Variants in SEZ6L observed in about 807,000 individuals in gnomAD.
The protein encoded by SEZ6L is seizure 6-like protein.
A neutral mutation model predicts 106.2 loss-of-function variants in SEZ6L; 37 were observed. That is an observed-to-expected ratio of 0.35 (90% CI 0.27 to 0.46). The LOEUF is 0.46. Ranked by LOEUF, SEZ6L falls within the 20% of genes least tolerant of loss-of-function variation. The pLI, the probability that SEZ6L is intolerant of heterozygous loss-of-function variation, is 1.00. For synonymous variants in SEZ6L, 541 were observed against 570.4 expected (o/e 0.95, Z 0.73); for missense variants, 1,172 against 1,332.8 (o/e 0.88, Z 1.88).
intron 12 of SEZ6L, chr22:26,365,002 C>T (rs1356026541): frequency 5.9e-6 from 1 of 169,232 alleles, no homozygotes; most frequent in African/African-American, 2.4e-5. Context: ...CATTTCCTTA[C>T]TTACCTATTT....
At chr22:26,302,037 G>T (rs1205487691) in intron 5 of SEZ6L, among the ~76,000 whole-genome samples, 1 of 152,126 alleles carries the variant, frequency 6.6e-6, no homozygotes, top group Admixed American at 6.5e-5. Flanking sequence ...GGAAATCAAG[G>T]TGGACAATAT....
At chr22:26,250,313 T>A (rs1001352065) in intron 1 of SEZ6L, among the ~76,000 whole-genome samples, 2 of 152,222 alleles carry the variant, frequency 1.3e-5, no homozygotes, top group Non-Finnish European at 2.9e-5. Flanking sequence ...TACATTTAAG[T>A]CTTTATCATT....
chr22:26,371,007 A>C (rs1332698918), intron 13 of SEZ6L, among the ~76,000 whole-genome samples: 1 of 34,790 alleles, frequency 2.9e-5, no homozygotes, highest in South Asian at 2.3e-3. Context: ...CTGTATCACA[A>C]AAAAAAAAAA....
At chr22:26,243,188 A>G (rs1191135739) in intron 1 of SEZ6L, among the ~76,000 whole-genome samples, 4 of 152,212 alleles carry the variant, frequency 2.6e-5, no homozygotes, top group African/African-American at 9.6e-5. Context: ...GCAATGACTC[A>G]ATTTCCAAAA....
chr22:26,348,646 A>AAGAAAGAAAAAGAAAGAAAGAAAGAG lies in SEZ6L; in HGVS notation c.2407+734_2407+735insGAAAGAAAAAGAAAGAAAGAAAGAGA, dbSNP rs1556371589. On this transcript the variant is annotated intron_variant, in intron 11 of 16. Transcript: ENST00000248933. ...AAAGAAAGAAAGAAAGAAAGAAAGA[A>AAGAAAGAAAAAGAAAGAAAGAAAGAG]AAAGAAAGAAAGAAAGAAAGAAAGA... Among the ~76,000 whole-genome samples the AAGAAAGAAAAAGAAAGAAAGAAAGAG allele has an allele frequency of 2.6e-4, 2 of 7,696 alleles. 1 individual carries two copies. Among genetic ancestry groups the AAGAAAGAAAAAGAAAGAAAGAAAGAG allele is most frequent in the African/African-American group, 1.6e-3 (2 of 1,262 alleles). 5.0% of individuals were successfully genotyped at this position (7,696 alleles called of 152,430 possible).
intron 1 of SEZ6L, among the ~76,000 whole-genome samples, chr22:26,186,977 T>C (rs1939824580): frequency 6.6e-6 from 1 of 152,148 alleles, no homozygotes; most frequent in South Asian, 2.1e-4. Context: ...TCCTCACAGA[T>C]AGGACTTGAA....
At chr22:26,178,979 C>A (rs75197278) in intron 1 of SEZ6L, among the ~76,000 whole-genome samples, 28,444 of 152,148 alleles carry the variant, frequency 0.19, 2,987 homozygotes, top group Middle Eastern at 0.31. Context: ...CCTCCCCCGA[C>A]ACCAATGTAT....
At chr22:26,356,036 C>G (rs557918306) in intron 12 of SEZ6L, among the ~76,000 whole-genome samples, 1 of 152,290 alleles carries the variant, frequency 6.6e-6, no homozygotes, top group African/African-American at 2.4e-5. Context: ...TACCCTTTAC[C>G]AAGAAGGATT....
chr22:26,308,430 C>T (rs1333255468), intron 6 of SEZ6L, among the ~76,000 whole-genome samples: 1 of 150,564 alleles, frequency 6.6e-6, no homozygotes, highest in Non-Finnish European at 1.5e-5. Flanking sequence ...TGCCAGGCTA[C>T]TTTTATAGGC....
intron 5 of SEZ6L, among the ~76,000 whole-genome samples, chr22:26,302,261 C>T (rs1005380153): frequency 2.0e-5 from 3 of 152,140 alleles, no homozygotes; most frequent in Non-Finnish European, 4.4e-5. Context: ...CCATGCAAAA[C>T]CAAATGAATC....
intron 1 of SEZ6L, among the ~76,000 whole-genome samples, chr22:26,256,157 G>A (rs1207391): frequency 0.21 from 32,494 of 152,132 alleles, 4,058 homozygotes; most frequent in South Asian, 0.32. Context: ...GCAAGTAGTT[G>A]GAGAAGTAAG....
intron 1 of SEZ6L, among the ~76,000 whole-genome samples, chr22:26,175,029 A>G (rs1938883942): frequency 6.6e-6 from 1 of 152,210 alleles, no homozygotes; most frequent in South Asian, 2.1e-4. Context: ...GTCCAGCCTC[A>G]GATCCAGGCT....
At chr22:26,290,766 C>G (rs1317411601) in intron 1 of SEZ6L, among the ~76,000 whole-genome samples, 1 of 152,202 alleles carries the variant, frequency 6.6e-6, no homozygotes, top group East Asian at 1.9e-4. Flanking sequence ...AGCTTTATCC[C>G]CCGTACTCTC....
intron 1 of SEZ6L, chr22:26,292,182 A>C: frequency 2.1e-6 from 1 of 467,374 alleles, no homozygotes; most frequent in Non-Finnish European, 3.7e-6. Context: ...GAAAGAAGGA[A>C]GGAGGGAGGG....
intron 12 of SEZ6L, among the ~76,000 whole-genome samples, chr22:26,354,983 G>A (rs1384750355): frequency 6.6e-6 from 1 of 152,268 alleles, no homozygotes; most frequent in East Asian, 1.9e-4. Flanking sequence ...TAACGCAGGA[G>A]GCGAGAGATG....
intron 1 of SEZ6L, among the ~76,000 whole-genome samples, chr22:26,194,616 A>G (rs1046759830): frequency 2.6e-5 from 4 of 152,210 alleles, no homozygotes; most frequent in African/African-American, 9.6e-5. Flanking sequence ...CTTAGAAAAG[A>G]GTTGAGGGAT....
intron 1 of SEZ6L, among the ~76,000 whole-genome samples, chr22:26,191,954 C>G (rs1940248343): frequency 6.6e-6 from 1 of 151,806 alleles, no homozygotes; most frequent in African/African-American, 2.4e-5. Context: ...CACTAACTCA[C>G]TGAATGATAT....
At chr22:26,191,094 A>G (rs1940170916) in intron 1 of SEZ6L, among the ~76,000 whole-genome samples, 1 of 152,192 alleles carries the variant, frequency 6.6e-6, no homozygotes, top group African/African-American at 2.4e-5. Context: ...ACACTATCCT[A>G]TAAATGTAGG....
At chr22:26,294,721 AAC>A (rs56000206) in intron 3 of SEZ6L, among the ~76,000 whole-genome samples, 48,738 of 147,932 alleles carry the variant, frequency 0.33, 7,799 homozygotes, top group East Asian at 0.4. Context: ...CACGTGCATA[AAC>A]ACACACACAC....
Sources: gnomAD v4.1 joint callset for allele counts (sites outside exome capture counted in the v4.1 genomes callset) on GRCh38, gnomAD v4.1.1 for gene constraint, MANE v1.5 for transcripts, NCBI Gene and HGNC (gene_info 2026-07-23, HGNC 2026-07-21) for gene names.